RAP1GAP: variants seen among roughly 807,000 people sequenced by gnomAD.
RAP1GAP encodes rap1 GTPase-activating protein 1.
A neutral mutation model predicts 87.2 loss-of-function variants in RAP1GAP; 35 were observed. The observed-to-expected ratio is 0.40, with a 90% confidence interval of 0.31 to 0.53. RAP1GAP has a LOEUF of 0.53. RAP1GAP is among the 20% of genes least tolerant of loss of function. The pLI is 0.48. For missense variants in RAP1GAP, 734 were observed against 898.9 expected, an observed-to-expected ratio of 0.82 and a Z score of 2.35; for synonymous variants, 375 against 363.9, an observed-to-expected ratio of 1.03 and a Z score of -0.35.
chr1:21,638,340 C>T (rs2095132986), intron 2 of RAP1GAP, among the ~76,000 whole-genome samples: 1 of 151,734 alleles, frequency 6.6e-6, no homozygotes, highest in Admixed American at 6.6e-5. Flanking sequence ...GCTTGTAATC[C>T]CAGCTACTCA....
rs891198028 is a variant in RAP1GAP at position 21,669,334 on chromosome 1, C to A, written c.-229G>T. 5 of 1,079,280 alleles carry A rather than the reference C, an allele frequency of 4.6e-6. No individual in the cohort carries two copies. In the African/African-American group the frequency reaches 5.2e-5, roughly 11 times the overall value. The allele number at this position is 1,079,280 out of a possible 1,614,324, so 66.9% of individuals were successfully genotyped here. A position where few individuals can be genotyped will look rare whatever the true frequency, so the allele number is the denominator to read the frequency against. On this transcript the variant is annotated 5_prime_UTR_variant, in exon 1 of 25. Transcript: ENST00000374765. This position sits in a 1 kb window ranked among gnomAD's most constrained non-coding sequence, Gnocchi z 5.6. ...CGCTGCAGCTCTGCTCAGATGCGGCCGGCGCTCGCCGCCGCCGCAGTTCGG... is the reference window on the plus strand; with the variant it reads ...CGCTGCAGCTCTGCTCAGATGCGGCAGGCGCTCGCCGCCGCCGCAGTTCGG...
intron 1 of RAP1GAP, chr1:21,651,887 C>G (rs2096602766): frequency 8.8e-6 from 9 of 1,018,918 alleles, no homozygotes; most frequent in Admixed American, 5.8e-5. Flanking sequence ...GCCCGGGTCA[C>G]CTTGGCAACG....
chr1:21,648,879 C>A (rs2096318083), intron 2 of RAP1GAP, among the ~76,000 whole-genome samples: 1 of 152,178 alleles, frequency 6.6e-6, no homozygotes, highest in Non-Finnish European at 1.5e-5. Context: ...CCTCCCACCC[C>A]AGGCCTGGCT....
At chr1:21,604,426 G>A (rs902646681) in intron 18 of RAP1GAP, among the ~76,000 whole-genome samples, 2 of 150,778 alleles carry the variant, frequency 1.3e-5, no homozygotes, top group African/African-American at 4.9e-5. Flanking sequence ...GAAGGGAGGA[G>A]GGAACAAAAA....
chr1:21,605,069 G>A (rs1020531950), intron 18 of RAP1GAP, among the ~76,000 whole-genome samples: 1 of 151,578 alleles, frequency 6.6e-6, no homozygotes, highest in African/African-American at 2.4e-5. Flanking sequence ...GGATGGATGG[G>A]TGGCTGGATG....
At chr1:21,606,892 G>A (rs1250233896) in intron 17 of RAP1GAP, among the ~76,000 whole-genome samples, 1 of 152,106 alleles carries the variant, frequency 6.6e-6, no homozygotes, top group Admixed American at 6.5e-5. Context: ...TAGGTCCACC[G>A]TCCAGCACCT....
At chr1:21,667,376 C>G (rs2097399346) in intron 1 of RAP1GAP, among the ~76,000 whole-genome samples, 1 of 152,182 alleles carries the variant, frequency 6.6e-6, no homozygotes, top group Non-Finnish European at 1.5e-5. Context: ...GTAGTTAGAG[C>G]CAGGAGAGGG....
chr1:21,602,964 C>G (rs746279727), intron 18 of RAP1GAP, 51 bp from the exon 19 acceptor site: 12 of 77,706 alleles, frequency 1.5e-4, no homozygotes, highest in East Asian at 2.7e-4. Context: ...AGCCCCAGTG[C>G]CCCCCCCACA....
Position 21,609,713 on chromosome 1 carries a change from AC to A in RAP1GAP, c.1000-68del, listed in dbSNP as rs569607472. The A allele has an allele frequency of 2.5e-5, 31 of 1,252,438 alleles. 1 individual carries two copies. The South Asian group carries it at 4.8e-4, about 19-fold the overall frequency. 77.6% of individuals were successfully genotyped at this position (1,252,438 alleles called of 1,614,324 possible). ...TCTGCTCTGCCCCACCCAGCCAGAA[AC>A]CCCTACTGTGCCTCCCTGGACTGCC... On this transcript the variant is annotated intron_variant, in intron 14 of 24. Transcript: ENST00000374765. The surrounding 1 kb of genome is among the most constrained non-coding windows in gnomAD (Gnocchi z 4.4).
At chr1:21,621,240 C>T (rs1197347016) in intron 3 of RAP1GAP, among the ~76,000 whole-genome samples, 1 of 152,160 alleles carries the variant, frequency 6.6e-6, no homozygotes, top group Non-Finnish European at 1.5e-5. Context: ...GCCACAGAGG[C>T]GGGCAGGTGT....
rs2079419361 is a variant in RAP1GAP, at chr1:21,613,055, T to C, written c.528+121A>G. The C allele has an allele frequency of 2.8e-6, 3 of 1,087,068 alleles. No homozygotes were observed. Among genetic ancestry groups the C allele is most frequent in the Admixed American group, 2.0e-5 (1 of 51,182 alleles). The allele number at this position is 1,087,068 out of a possible 1,614,324, so 67.3% of individuals were successfully genotyped here. A position where few individuals can be genotyped will look rare whatever the true frequency, so the allele number is the denominator to read the frequency against. On this transcript the variant is annotated intron_variant, in intron 10 of 24. Coordinates refer to ENST00000374765, the MANE Select transcript of RAP1GAP (RefSeq NM_002885.4). This position sits in a 1 kb window ranked among gnomAD's most constrained non-coding sequence, Gnocchi z 4.7. ...GCAAATTGTGGACTTCACAGGGTTA[T>C]TGTGAGGATTAAATGAGAGAACCTT...
chr1:21,651,620 G>C (rs1280068964), intron 1 of RAP1GAP: 1 of 752,936 alleles, frequency 1.3e-6, no homozygotes, highest in Middle Eastern at 2.5e-4. Flanking sequence ...GCCACAGCAC[G>C]ACAGCCATGC....
intron 3 of RAP1GAP, among the ~76,000 whole-genome samples, chr1:21,625,075 G>A (rs2091346601): frequency 6.6e-6 from 1 of 152,190 alleles, no homozygotes; most frequent in African/African-American, 2.4e-5. Flanking sequence ...CTGTTGCCCA[G>A]ACAGAGAAAA....
intron 7 of RAP1GAP, 148 bp downstream of exon 7, chr1:21,617,158 G>A: frequency 1.2e-6 from 1 of 848,438 alleles, no homozygotes; most frequent in Admixed American, 2.7e-5. Context: ...GGGACTGGGA[G>A]TGTGTGTGGT....
At chr1:21,632,878 C>T (rs562040371) in intron 2 of RAP1GAP, among the ~76,000 whole-genome samples, 1 of 152,088 alleles carries the variant, frequency 6.6e-6, no homozygotes, top group African/African-American at 2.4e-5. Context: ...CCAGCCCTGG[C>T]GACAGAGCAA....
intron 2 of RAP1GAP, among the ~76,000 whole-genome samples, chr1:21,631,338 A>C (rs928083994): frequency 6.6e-6 from 1 of 152,142 alleles, no homozygotes; most frequent in Non-Finnish European, 1.5e-5. Flanking sequence ...TCTGTGCAGC[A>C]CCCTGGAGCT....
At chr1:21,639,059 T>C (rs1470455565) in intron 2 of RAP1GAP, among the ~76,000 whole-genome samples, 1 of 152,254 alleles carries the variant, frequency 6.6e-6, no homozygotes, top group Non-Finnish European at 1.5e-5. Flanking sequence ...GGATGTGCCC[T>C]GTGACTTCAG....
intron 1 of RAP1GAP, among the ~76,000 whole-genome samples, chr1:21,667,852 C>A (rs1327844641): frequency 2.6e-5 from 4 of 152,190 alleles, no homozygotes; most frequent in Non-Finnish European, 1.5e-5. Context: ...CTCGTGCCAC[C>A]TGAGGATTAA....
chr1:21,613,362 G>T lies in RAP1GAP; in HGVS notation c.475-133C>A. The T allele has an allele frequency of 1.2e-6, 1 of 868,900 alleles. No individual in the cohort carries two copies. The highest frequency in any genetic ancestry group is 1.9e-6 in the Non-Finnish European group (1 of 525,602). 53.8% of individuals were successfully genotyped at this position (868,900 alleles called of 1,614,324 possible). ...GGCCAAGGCTAAAGCAGGACTCGGG[G>T]TTCACTGTTGCTCAGGGAACGGAGG... On this transcript the variant is annotated intron_variant, in intron 9 of 24. Transcript: ENST00000374765. The surrounding 1 kb of genome is among the most constrained non-coding windows in gnomAD (Gnocchi z 4.7).
Sources: gnomAD v4.1 joint callset for allele counts (sites outside exome capture counted in the v4.1 genomes callset) on GRCh38, gnomAD v4.1.1 for gene constraint, Gnocchi (gnomAD v3.1) non-coding constraint, MANE v1.5 for transcripts, NCBI Gene and HGNC (gene_info 2026-07-23, HGNC 2026-07-21) for gene names.